The following CDH23 variants were observed in gnomAD, a reference collection of about 807,000 sequenced individuals.
CDH23 encodes the protein cadherin-23.
In CDH23, 189 loss-of-function variants were observed where a neutral mutation model predicts 317.1. That is an observed-to-expected ratio of 0.60 (90% CI 0.53 to 0.67). The LOEUF (loss-of-function observed/expected upper bound fraction) is 0.67. Among genes scored for constraint, CDH23 ranks in the 30% least tolerant of loss-of-function variants. The pLI is 0.00. For missense variants in CDH23, 4,401 were observed against 4,592.4 expected, an observed-to-expected ratio of 0.96 and a Z score of 1.20; for synonymous variants, 1,839 against 1,876.8, an observed-to-expected ratio of 0.98 and a Z score of 0.52.
chr10:71,763,650 G>T (rs1840454957), intron 38 of CDH23, among the ~76,000 whole-genome samples: 1 of 152,230 alleles, frequency 6.6e-6, no homozygotes, highest in African/African-American at 2.4e-5. Context: ...CTCACTCACA[G>T]ATGTTTTTCC....
At chr10:71,470,933 T>C (rs1240868455) in intron 3 of CDH23, among the ~76,000 whole-genome samples, 1 of 152,240 alleles carries the variant, frequency 6.6e-6, no homozygotes, top group Admixed American at 6.5e-5. Context: ...TTTGGTGAAG[T>C]GGCTATTCAA....
At position 71,751,823 on chromosome 10, in the gene CDH23, G is replaced by A. The variant is rs750143709; in HGVS notation, c.4845+9902G>A. 5 of 1,572,860 alleles carry A rather than the reference G, an allele frequency of 3.2e-6. No homozygotes were observed. The highest frequency in any genetic ancestry group is 1.4e-5 in the African/African-American group (1 of 73,134). ...CTCGGGTATCCCCTGGGCAGGTGGT[G>A]AGGCTTCAAAGCCGGGGTTTTCAAT... On this transcript the variant is annotated intron_variant, in intron 38 of 69. Transcript: ENST00000224721. This position sits in a 1 kb window ranked among gnomAD's most constrained non-coding sequence, Gnocchi z 4.9.
At position 71,707,316 on chromosome 10, in the gene CDH23, A is replaced by C. The variant is rs569311642; in HGVS notation, c.3106+267A>C. The C allele has an allele frequency of 4.2e-6, 6 of 1,423,336 alleles. No homozygotes were observed. In the Admixed American group the frequency reaches 1.4e-4, roughly 34 times the overall value. The allele number at this position is 1,423,336 out of a possible 1,614,324, so 88.2% of individuals were successfully genotyped here. Reference sequence around the variant, plus strand: ...GGACGGGGAGCATCTACCAAGGTTCATTCTAGAGGGAGGTAAGGCCCCATG... The same window carrying C: ...GGACGGGGAGCATCTACCAAGGTTCCTTCTAGAGGGAGGTAAGGCCCCATG... On this transcript the variant is annotated intron_variant, in intron 26 of 69. Coordinates refer to ENST00000224721, the MANE Select transcript of CDH23 (RefSeq NM_022124.6).
chr10:71,757,882 C>T (rs1361473598), intron 38 of CDH23, among the ~76,000 whole-genome samples: 1 of 152,190 alleles, frequency 6.6e-6, no homozygotes, highest in Non-Finnish European at 1.5e-5. Context: ...GCCTAGACCC[C>T]TTCTCTGAGC....
intron 8 of CDH23, among the ~76,000 whole-genome samples, chr10:71,573,412 C>T (rs1390119652): frequency 6.6e-6 from 1 of 152,208 alleles, no homozygotes; most frequent in Non-Finnish European, 1.5e-5. Context: ...GCACTTCATC[C>T]TTTTATGCAC....
At chr10:71,740,433 C>T (rs771027037) in intron 36 of CDH23, among the ~76,000 whole-genome samples, 2 of 152,230 alleles carry the variant, frequency 1.3e-5, no homozygotes, top group Non-Finnish European at 2.9e-5. Flanking sequence ...GTGCGTGGGA[C>T]AGAGGCCTTT....
At chr10:71,689,573 G>A (rs1280450830) in intron 19 of CDH23, among the ~76,000 whole-genome samples, 1 of 152,194 alleles carries the variant, frequency 6.6e-6, no homozygotes, top group East Asian at 1.9e-4. Flanking sequence ...GGCCTGCCTG[G>A]CCCCTTGCCC....
At chr10:71,504,733 GC>G (rs1853539195) in intron 3 of CDH23, among the ~76,000 whole-genome samples, 1 of 152,198 alleles carries the variant, frequency 6.6e-6, no homozygotes, top group Non-Finnish European at 1.5e-5. Flanking sequence ...GACGGGTGGA[GC>G]TTTTCTCTGC....
At chr10:71,566,607 C>T in intron 6 of CDH23, 135 bp from the exon 7 acceptor site, 1 of 729,918 alleles carries the variant, frequency 1.4e-6, no homozygotes, top group Non-Finnish European at 2.0e-6. Flanking sequence ...TGGGGCCCCT[C>T]CTAGAATGAA....
Position 71,578,092 on chromosome 10 carries a change from C to A in CDH23, c.832+100C>A, listed in dbSNP as rs1014634382. 4.4e-5 allele frequency: 53 copies of A among 1,214,336 alleles called. No homozygotes were observed. In the African/African-American group the frequency reaches 7.1e-4, roughly 16 times the overall value. 75.2% of individuals were successfully genotyped at this position (1,214,336 alleles called of 1,614,324 possible). ...GCTCTGAGGGCTAAGGAGAGGTCTG[C>A]GGGCATGTGGGACAGGGTAGGAGAC... On this transcript the variant is annotated intron_variant, in intron 9 of 69. Transcript: ENST00000224721.
intron 8 of CDH23, among the ~76,000 whole-genome samples, chr10:71,576,229 G>A (rs1858187803): frequency 1.3e-5 from 2 of 152,206 alleles, no homozygotes; most frequent in Non-Finnish European, 2.9e-5. Flanking sequence ...GCCCTGCTCT[G>A]CATGTGTGTC....
chr10:71,810,150 A>G, intron 61 of CDH23, 74 bp downstream of exon 61: 1 of 1,560,590 alleles, frequency 6.4e-7, no homozygotes, highest in Non-Finnish European at 8.7e-7. Flanking sequence ...AAGGAGAGAC[A>G]GGGCATTGTG....
At chr10:71,614,114 T>A (rs1861055333) in intron 9 of CDH23, among the ~76,000 whole-genome samples, 1 of 152,208 alleles carries the variant, frequency 6.6e-6, no homozygotes. Flanking sequence ...TGACCCCTCC[T>A]CTATGGAGCT....
rs557264638 is a variant in CDH23 at position 71,778,317 on chromosome 10, A to G, written c.5187+9A>G. ...TCACCTCTACCACCACGGTGGGTGC[A>G]TGGGACACAGCCCCAACTTGGGCTT... On this transcript the variant is annotated intron_variant, in intron 40 of 69. Coordinates refer to ENST00000224721, the MANE Select transcript of CDH23 (RefSeq NM_022124.6). The G allele has an allele frequency of 1.9e-6, 3 of 1,613,818 alleles. No homozygotes were observed. The highest frequency in any genetic ancestry group is 1.3e-5 in the African/African-American group (1 of 75,030).
intron 44 of CDH23, among the ~76,000 whole-genome samples, chr10:71,786,643 A>G (rs1841116172): frequency 6.6e-6 from 1 of 151,814 alleles, no homozygotes; most frequent in Non-Finnish European, 1.5e-5. Flanking sequence ...GATTACATGC[A>G]CACGCCACCT....
chr10:71,620,585 C>A (rs10999915), intron 11 of CDH23, among the ~76,000 whole-genome samples: 1 of 152,164 alleles, frequency 6.6e-6, no homozygotes, highest in African/African-American at 2.4e-5. Flanking sequence ...CCAGGCTCAG[C>A]CATTGGCACA....
intron 26 of CDH23, among the ~76,000 whole-genome samples, chr10:71,708,506 C>T (rs1310912349): frequency 6.6e-6 from 1 of 152,232 alleles, no homozygotes; most frequent in African/African-American, 2.4e-5. Flanking sequence ...CACTTCCCAC[C>T]TGTCCCAGAA....
At chr10:71,400,566 A>C (rs1847734730) in intron 1 of CDH23, among the ~76,000 whole-genome samples, 1 of 152,210 alleles carries the variant, frequency 6.6e-6, no homozygotes, top group African/African-American at 2.4e-5. Flanking sequence ...TTCGGAGGCC[A>C]AGGCAGGTGG....
chr10:71,697,786 G>C (rs1407682698), intron 22 of CDH23, among the ~76,000 whole-genome samples: 3 of 152,162 alleles, frequency 2.0e-5, no homozygotes, highest in African/African-American at 7.2e-5. Flanking sequence ...GCCCTTGCCA[G>C]ACCTACAAAA....
Sources: gnomAD v4.1 joint callset for allele counts (sites outside exome capture counted in the v4.1 genomes callset) on GRCh38, gnomAD v4.1.1 for gene constraint, Gnocchi (gnomAD v3.1) non-coding constraint, MANE v1.5 for transcripts, NCBI Gene and HGNC (gene_info 2026-07-23, HGNC 2026-07-21) for gene names.